Variants in KATNA1 observed in about 807,000 individuals in gnomAD.
KATNA1 encodes katanin p60 ATPase-containing subunit A1.
A neutral mutation model predicts 62.6 loss-of-function variants in KATNA1; 42 were observed. The ratio of observed to expected loss-of-function variants is 0.67; its 90% CI spans 0.52 to 0.87. KATNA1 has a LOEUF of 0.87. KATNA1 is among the 40% of genes least tolerant of loss of function. The pLI is 0.00. For missense variants in KATNA1, 498 were observed against 612.5 expected (o/e 0.81, Z 1.97); for synonymous variants, 186 against 201.9 (o/e 0.92, Z 0.67).
At chr6:149,626,158 T>C (rs1469565639) in intron 3 of KATNA1, among the ~76,000 whole-genome samples, 2 of 152,144 alleles carry the variant, frequency 1.3e-5, no homozygotes, top group Non-Finnish European at 2.9e-5. Context: ...GATTCCACAA[T>C]GTGGAGTCGA....
intron 7 of KATNA1, among the ~76,000 whole-genome samples, chr6:149,599,381 C>CT (rs772861891): frequency 7.9e-5 from 12 of 152,118 alleles, no homozygotes; most frequent in African/African-American, 1.2e-4. Context: ...AGTGACTAGA[C>CT]TGATTCTTCC....
At chr6:149,632,975 A>T in intron 2 of KATNA1, 59 bp from the exon 3 acceptor site, 1 of 1,346,610 alleles carries the variant, frequency 7.4e-7, no homozygotes, top group Non-Finnish European at 1.0e-6. Flanking sequence ...TGTCAAAATT[A>T]AATGAGGGCC....
rs114200896 is a variant in KATNA1, at chr6:149,610,530, C to T, written c.502-5748G>A. On this transcript the variant is annotated intron_variant, in intron 4 of 10. Coordinates refer to ENST00000367411, the MANE Select transcript of KATNA1 (RefSeq NM_007044.4). ...ATTCTCAAAGCACAAAAGATTCAAA[C>T]TAGAAATCAGTAACAGGAAGAAAAC... is the stretch of plus-strand genomic sequence containing the variant. 5.9e-3 allele frequency among the ~76,000 whole-genome samples: 899 copies of T among 152,096 alleles called. 9 individuals are homozygous for T. The highest frequency in any genetic ancestry group is 0.021 in the African/African-American group (861 of 41,492).
Position 149,601,731 on chromosome 6 carries a change from G to A in KATNA1, c.751C>T (p.Pro251Ser). The A allele has an allele frequency of 6.2e-7, 1 of 1,605,908 alleles. No individual in the cohort carries two copies. Among genetic ancestry groups the A allele is most frequent in the South Asian group, 1.1e-5 (1 of 89,498 alleles). Residue 251 changes from proline to serine, a missense_variant, in exon 7 of 11, where the codon CCT becomes TCT. Transcript: ENST00000367411. ...GCAAGGAGCGTCTTCCCCGTGCCAG[G>A]TGGGCCGACCATCAGTACTCCCTGT... ...PWKGVLMVGP[P>S]GTGKTLLAKA... is the part of the protein sequence containing the mutation.
In KATNA1 at chr6:149,597,647, A is replaced by G; in HGVS notation, c.1016-6T>C. On this transcript the variant is annotated splice_region_variant and splice_polypyrimidine_tract_variant and intron_variant, in intron 8 of 10. Transcript: ENST00000367411. ...TTCAGAAGTACCTCCAACACCTAAA[A>G]TAAGGGTAAGGGGAGAGTGAAAAAG... 2.5e-6 allele frequency: 4 copies of G among 1,612,888 alleles called. No individual in the cohort carries two copies. Among genetic ancestry groups the G allele is most frequent in the South Asian group, 1.1e-5 (1 of 90,930 alleles).
intron 10 of KATNA1, among the ~76,000 whole-genome samples, chr6:149,596,256 C>T (rs530865612): frequency 4.6e-5 from 7 of 152,218 alleles, no homozygotes; most frequent in East Asian, 1.9e-4. Context: ...TATGTGGGGC[C>T]GGGCATGGTG....
Position 149,611,638 on chromosome 6 carries a change from G to A in KATNA1, c.502-6856C>T, listed in dbSNP as rs539466582. Among the ~76,000 whole-genome samples the A allele has an allele frequency of 1.2e-4, 19 of 152,212 alleles. No homozygotes were observed. In the East Asian group the frequency reaches 3.5e-3, roughly 28 times the overall value. On this transcript the variant is annotated intron_variant, in intron 4 of 10. Transcript: ENST00000367411. ...CAATACTGACAATGCAAAAAGGACA[G>A]AGAACACGTATTACTGGTATAAGGA...
intron 5 of KATNA1, among the ~76,000 whole-genome samples, chr6:149,603,582 G>A (rs1057261771): frequency 9.9e-5 from 15 of 152,088 alleles, no homozygotes; most frequent in Non-Finnish European, 2.1e-4. Context: ...AGTTATTGGC[G>A]GTTGACAGTT....
chr6:149,608,173 T>C (rs1337805690), intron 4 of KATNA1, among the ~76,000 whole-genome samples: 1 of 152,230 alleles, frequency 6.6e-6, no homozygotes. Context: ...TGGGTTCTCA[T>C]TTCCAGGAAG....
rs538388041 is a variant in KATNA1 at position 149,621,446 on chromosome 6, C to T, written c.501+1657G>A. Among the ~76,000 whole-genome samples the T allele has an allele frequency of 4.0e-5, 6 of 150,350 alleles. No individual in the cohort carries two copies. The South Asian group carries it at 1.1e-3, about 26-fold the overall frequency. ...GCCCTGTGCCTTCTTATATGATACA[C>T]TGAGAGAAAAAAACCATCATACCAA... On this transcript the variant is annotated intron_variant, in intron 4 of 10. Transcript: ENST00000367411.
chr6:149,643,113 G>A (rs925348063), intron 1 of KATNA1, among the ~76,000 whole-genome samples: 1 of 152,228 alleles, frequency 6.6e-6, no homozygotes, highest in Non-Finnish European at 1.5e-5. Context: ...CTGGGCAGAG[G>A]CTCATGTGGC....
At chr6:149,608,358 G>A (rs1481642723) in intron 4 of KATNA1, among the ~76,000 whole-genome samples, 2 of 152,090 alleles carry the variant, frequency 1.3e-5, no homozygotes, top group African/African-American at 4.8e-5. Context: ...ATCCAAACTT[G>A]GGGCTGAAGA....
rs767507964 is a variant in KATNA1, at chr6:149,601,603, CAG to C, written c.877_878del (p.Leu293ValfsTer2). 4.4e-6 allele frequency: 7 copies of C among 1,604,224 alleles called. No homozygotes were observed. Among genetic ancestry groups the C allele is most frequent in the Non-Finnish European group, 6.0e-6 (7 of 1,176,376 alleles). On this transcript the variant is annotated frameshift_variant, in exon 7 of 11. Coordinates refer to ENST00000367411, the MANE Select transcript of KATNA1 (RefSeq NM_007044.4). LOFTEE classifies it high-confidence loss of function. ...TGTCTCAAACATTCACCATTTCAAA[CAG>C]AAGACGAACAAGCTTCTCAGATTCT... ...RGESEKLVRLLFEMARFYSPA... is the reference protein window; with the variant it reads ...RGESEKLVRLXFEMARFYSPA...
At chr6:149,616,051 C>T (rs749690312) in intron 4 of KATNA1, among the ~76,000 whole-genome samples, 13 of 151,976 alleles carry the variant, frequency 8.6e-5, no homozygotes, top group Non-Finnish European at 1.6e-4. Context: ...ATGGTGGTTG[C>T]CAGGGGCTGC....
intron 3 of KATNA1, among the ~76,000 whole-genome samples, 193 bp downstream of exon 3, chr6:149,632,566 C>A (rs1779891387): frequency 6.6e-6 from 1 of 152,054 alleles, no homozygotes; most frequent in Non-Finnish European, 1.5e-5. Context: ...TAAATTATTC[C>A]TACCTAAATC....
At chr6:149,604,879 C>T in intron 4 of KATNA1, 97 bp from the exon 5 acceptor site, 1 of 1,213,100 alleles carries the variant, frequency 8.2e-7, no homozygotes, top group Non-Finnish European at 1.2e-6. Context: ...CTTTAAAAAG[C>T]TAATACATCA....
At chr6:149,598,386 G>A (rs1286533058) in intron 7 of KATNA1, 36 bp from the exon 8 acceptor site, 2 of 1,600,486 alleles carry the variant, frequency 1.2e-6, no homozygotes, top group Non-Finnish European at 1.7e-6. Flanking sequence ...AAGCTATTAA[G>A]CTATTATTTC....
In KATNA1 at chr6:149,603,285, T is replaced by C. The variant is rs1562281511; in HGVS notation, c.712A>G (p.Ile238Val). Reference protein sequence around the residue: ...PMWMPEFFKGIRRPWKGVLMV... With the variant: ...PMWMPEFFKGVRRPWKGVLMV... The stretch of plus-strand genomic sequence containing the variant: ...AAACTTACTTTCCATGGTCTCCTAA[T>C]GCCCTTAAAGAATTCGGGCATCCAC... The change falls in exon 6 of 11, where the codon ATT becomes GTT. Residue 238 changes from isoleucine (I) to valine (V), a missense_variant. This residue lies in a region of KATNA1 where 267 missense variants were observed against 372.6 expected (regional missense o/e 0.72). Transcript: ENST00000367411. The C allele has an allele frequency of 6.5e-7, 1 of 1,550,072 alleles. No individual in the cohort carries two copies. Among genetic ancestry groups the C allele is most frequent in the Non-Finnish European group, 8.9e-7 (1 of 1,128,838 alleles).
chr6:149,627,360 G>A (rs1323262823), intron 3 of KATNA1, among the ~76,000 whole-genome samples: 3 of 151,640 alleles, frequency 2.0e-5, no homozygotes, highest in Non-Finnish European at 4.4e-5. Context: ...GAAGTCAGGA[G>A]TTCGAGACTA....
Sources: allele counts gnomAD v4.1 joint callset (sites outside exome capture counted in the v4.1 genomes callset), GRCh38; gene constraint gnomAD v4.1.1; regional missense constraint gnomAD v4.1.1; transcripts MANE v1.5; gene names NCBI Gene and HGNC (gene_info 2026-07-23, HGNC 2026-07-21).